Variants in GPC5 observed in about 807,000 individuals in gnomAD.
GPC5 encodes glypican-5.
GPC5 carries 47 observed loss-of-function variants against 53.9 expected under a neutral mutation model. The ratio of observed to expected loss-of-function variants is 0.87; its 90% CI spans 0.69 to 1.11. GPC5 has a LOEUF of 1.11. Ranked by LOEUF, GPC5 falls within the 50% of genes most tolerant of loss-of-function variation. The pLI, the probability that GPC5 is intolerant of heterozygous loss-of-function variation, is 0.00. For synonymous variants in GPC5, 286 were observed against 263.3 expected, an observed-to-expected ratio of 1.09 and a Z score of -0.84; for missense variants, 748 against 713.1, an observed-to-expected ratio of 1.05 and a Z score of -0.56.
intron 6 of GPC5, among the ~76,000 whole-genome samples, chr13:92,121,738 C>T (rs1378248750): frequency 6.6e-6 from 1 of 152,150 alleles, no homozygotes; most frequent in East Asian, 1.9e-4. Flanking sequence ...TTCCAAATGT[C>T]ATTACATCTT....
At chr13:91,558,021 T>A (rs1374165314) in intron 2 of GPC5, among the ~76,000 whole-genome samples, 1 of 152,092 alleles carries the variant, frequency 6.6e-6, no homozygotes, top group Admixed American at 6.6e-5. Context: ...TAGCAAAAGC[T>A]CAAAAGATAA....
intron 2 of GPC5, among the ~76,000 whole-genome samples, chr13:91,561,784 A>G (rs1320711317): frequency 6.6e-6 from 1 of 151,154 alleles, no homozygotes; most frequent in African/African-American, 2.4e-5. Context: ...TAAATATGCA[A>G]TGTGGTCACT....
chr13:91,492,091 C>T (rs957950812), intron 2 of GPC5, among the ~76,000 whole-genome samples: 5 of 152,112 alleles, frequency 3.3e-5, no homozygotes, highest in African/African-American at 4.8e-5. Context: ...ATATATTCTG[C>T]CCACTTGGTT....
intron 4 of GPC5, among the ~76,000 whole-genome samples, chr13:91,749,139 T>C (rs2037115683): frequency 6.6e-6 from 1 of 152,292 alleles, no homozygotes; most frequent in African/African-American, 2.4e-5. Flanking sequence ...ATCATCCAAA[T>C]AGTGTACATT....
intron 7 of GPC5, among the ~76,000 whole-genome samples, chr13:92,723,248 T>G (rs977538124): frequency 2.4e-5 from 3 of 124,220 alleles, no homozygotes; most frequent in African/African-American, 9.2e-5. Context: ...TCATATTAAG[T>G]GTTATTATTT....
At chr13:92,815,895 A>G (rs1877456398) in intron 7 of GPC5, among the ~76,000 whole-genome samples, 1 of 152,008 alleles carries the variant, frequency 6.6e-6, no homozygotes, top group South Asian at 2.1e-4. Flanking sequence ...ACAGTTTTGG[A>G]GATGGAAATC....
intron 7 of GPC5, among the ~76,000 whole-genome samples, chr13:92,452,336 A>C (rs1483694498): frequency 6.6e-6 from 1 of 152,214 alleles, no homozygotes; most frequent in Non-Finnish European, 1.5e-5. Flanking sequence ...CTTTTTAACA[A>C]AAACAAATAC....
intron 7 of GPC5, among the ~76,000 whole-genome samples, chr13:92,377,054 G>A (rs1437678383): frequency 6.6e-6 from 1 of 151,956 alleles, no homozygotes; most frequent in Non-Finnish European, 1.5e-5. Context: ...CCTGACTGAA[G>A]TAAGACAGTC....
chr13:91,575,779 TAAGTA>T (rs1245088739), intron 2 of GPC5, among the ~76,000 whole-genome samples: 1 of 152,190 alleles, frequency 6.6e-6, no homozygotes, highest in Non-Finnish European at 1.5e-5. Flanking sequence ...GCTAATAATT[TAAGTA>T]AAGCGGCTAT....
intron 3 of GPC5, among the ~76,000 whole-genome samples, chr13:91,709,137 G>C (rs1235045709): frequency 6.6e-6 from 1 of 152,100 alleles, no homozygotes; most frequent in Non-Finnish European, 1.5e-5. Context: ...TAGACATTGG[G>C]TATTACCAGC....
chr13:91,940,263 C>A (rs1566353114), intron 6 of GPC5, among the ~76,000 whole-genome samples: 1 of 152,094 alleles, frequency 6.6e-6, no homozygotes, highest in Non-Finnish European at 1.5e-5. Context: ...TCTATTCCTG[C>A]ATTAATTTGC....
intron 7 of GPC5, among the ~76,000 whole-genome samples, chr13:92,589,887 T>C (rs1241456528): frequency 3.9e-5 from 6 of 152,166 alleles, no homozygotes; most frequent in Non-Finnish European, 5.9e-5. Flanking sequence ...TTACAAAATA[T>C]ACATGTACTA....
intron 1 of GPC5, among the ~76,000 whole-genome samples, chr13:91,434,683 G>T (rs1185985598): frequency 6.6e-6 from 1 of 151,964 alleles, no homozygotes; most frequent in Non-Finnish European, 1.5e-5. Flanking sequence ...TTTTTTGGTT[G>T]CATATGAACT....
At chr13:91,473,858 T>A (rs1334334270) in intron 2 of GPC5, among the ~76,000 whole-genome samples, 1 of 152,190 alleles carries the variant, frequency 6.6e-6, no homozygotes, top group Non-Finnish European at 1.5e-5. Flanking sequence ...AAGCTATCAA[T>A]TTTATAGAGT....
intron 7 of GPC5, among the ~76,000 whole-genome samples, chr13:92,732,649 A>C (rs1166053973): frequency 1.3e-5 from 2 of 151,756 alleles, no homozygotes; most frequent in African/African-American, 4.8e-5. Flanking sequence ...ATATAAAGTA[A>C]TGTCAGATCC....
intron 7 of GPC5, among the ~76,000 whole-genome samples, chr13:92,770,761 G>T (rs562354645): frequency 6.6e-6 from 1 of 152,208 alleles, no homozygotes; most frequent in Non-Finnish European, 1.5e-5. Context: ...GACATTTGGG[G>T]TATTATGTGT....
chr13:92,215,404 A>T (rs2139080155), intron 7 of GPC5, among the ~76,000 whole-genome samples: 1 of 152,370 alleles, frequency 6.6e-6, no homozygotes, highest in South Asian at 2.1e-4. Flanking sequence ...GAATAATTAA[A>T]GCAATTTTAA....
intron 7 of GPC5, among the ~76,000 whole-genome samples, chr13:92,160,755 G>A (rs1014404398): frequency 2.6e-5 from 4 of 152,164 alleles, no homozygotes; most frequent in Admixed American, 6.5e-5. Context: ...AAAAGTTGAG[G>A]CAAGGCAATT....
chr13:91,989,306 T>C (rs1034678284), intron 6 of GPC5, among the ~76,000 whole-genome samples: 3 of 152,242 alleles, frequency 2.0e-5, no homozygotes, highest in African/African-American at 7.2e-5. Context: ...TAGACTTCTG[T>C]TTCTAAATCC....
Sources: gnomAD v4.1 joint callset for allele counts (sites outside exome capture counted in the v4.1 genomes callset) on GRCh38, gnomAD v4.1.1 for gene constraint, MANE v1.5 for transcripts, NCBI Gene and HGNC (gene_info 2026-07-23, HGNC 2026-07-21) for gene names.